Variants in LPIN2 observed in about 807,000 individuals in gnomAD.
The protein encoded by LPIN2 is phosphatidate phosphatase LPIN2.
Under a neutral mutation model 111.4 loss-of-function variants are expected in LPIN2, and 55 were observed. The observed-to-expected ratio is 0.49, with a 90% CI of 0.40 to 0.62. The LOEUF is 0.62. Ranked by LOEUF, LPIN2 falls within the 20% of genes least tolerant of loss-of-function variation. LPIN2 has a pLI of 0.00. For synonymous variants in LPIN2, 425 were observed against 414.0 expected, an observed-to-expected ratio of 1.03 and a Z score of -0.32; for missense variants, 992 against 1,112.1, an observed-to-expected ratio of 0.89 and a Z score of 1.54.
intron 1 of LPIN2, among the ~76,000 whole-genome samples, chr18:2,970,152 G>A (rs903633881): frequency 1.3e-5 from 2 of 152,204 alleles, no homozygotes; most frequent in African/African-American, 4.8e-5. Context: ...CGTAAGAAGA[G>A]GGGATTTTCT....
rs547941000 is a variant in LPIN2 at position 2,951,424 on chromosome 18, T to C, written c.289-68A>G. 4.5e-6 allele frequency: 6 copies of C among 1,332,504 alleles called. 1 individual carries two copies. The Admixed American group carries it at 1.2e-4, about 26-fold the overall frequency. 82.5% of individuals were successfully genotyped at this position (1,332,504 alleles called of 1,614,324 possible). ...GACAGTGAATTAAAGCAGTAATATTTTGAATATATAAATTTTCACCATGGT... is the reference window on the plus strand; with the variant it reads ...GACAGTGAATTAAAGCAGTAATATTCTGAATATATAAATTTTCACCATGGT... On this transcript the variant is annotated intron_variant, in intron 3 of 19. Transcript: ENST00000677752.
At chr18:2,949,823 G>A (rs2077507195) in intron 4 of LPIN2, among the ~76,000 whole-genome samples, 1 of 151,970 alleles carries the variant, frequency 6.6e-6, no homozygotes, top group African/African-American at 2.4e-5. Context: ...TTTTTGCTGG[G>A]CTCAGTGGTT....
Position 2,926,758 on chromosome 18 carries a change from G to C in LPIN2, c.1758C>G (p.Asp586Glu). ...CCGGCTCCTTGGAGCTGGATGGCAG[G>C]TCACTGGCTGGCGGTGCCTCAGATT... ...EGKSEAPPAS[D>E]LPSSSKEPAG... Residue 586 changes from aspartate (D) to glutamate (E), a missense_variant, in exon 13 of 20, where the codon GAC becomes GAG. Around this residue, in one of 4 missense-constraint regions of LPIN2, gnomAD observed 709 missense variants for 753.2 expected, o/e 0.94. Coordinates refer to ENST00000677752, the MANE Select transcript of LPIN2 (RefSeq NM_001375808.2). 6.2e-7 allele frequency: 1 copy of C among 1,613,734 alleles called. No individual in the cohort carries two copies. Among genetic ancestry groups the C allele is most frequent in the Non-Finnish European group, 8.5e-7 (1 of 1,180,012 alleles).
intron 1 of LPIN2, chr18:2,982,732 A>C: frequency 7.7e-7 from 1 of 1,303,542 alleles, no homozygotes; most frequent in Non-Finnish European, 1.0e-6. Context: ...GCCTTTACAA[A>C]CCACCTCATC....
intron 5 of LPIN2, 107 bp from the exon 6 acceptor site, chr18:2,939,710 T>A (rs2077343042): frequency 2.5e-5 from 31 of 1,224,360 alleles, no homozygotes; most frequent in Non-Finnish European, 3.6e-5. Context: ...GACTTTATCC[T>A]GCATATATAA....
chr18:2,943,679 T>C (rs890459527), intron 4 of LPIN2, among the ~76,000 whole-genome samples: 3 of 152,224 alleles, frequency 2.0e-5, no homozygotes, highest in African/African-American at 7.2e-5. Context: ...AAATGGTTCC[T>C]AAATCATGGA....
chr18:3,007,070 G>T (rs1276933746), intron 1 of LPIN2, among the ~76,000 whole-genome samples: 1 of 151,524 alleles, frequency 6.6e-6, no homozygotes, highest in African/African-American at 2.4e-5. Context: ...TCTCTCTCAA[G>T]TAGTATTTCT....
intron 1 of LPIN2, chr18:2,967,814 T>C (rs1330157604): frequency 6.6e-6 from 1 of 152,228 alleles, no homozygotes. Context: ...CCCGTCATAG[T>C]AGAATGCCAA....
intron 1 of LPIN2, among the ~76,000 whole-genome samples, chr18:3,005,351 C>CA (rs111680053): frequency 0.021 from 2,716 of 129,686 alleles, 85 homozygotes; most frequent in African/African-American, 0.069. Flanking sequence ...GACTCCGTCT[C>CA]AAAAAAAAAA....
chr18:2,926,672 C>T (rs1333795174), intron 13 of LPIN2, 51 bp downstream of exon 13: 3 of 1,519,364 alleles, frequency 2.0e-6, no homozygotes, highest in African/African-American at 1.4e-5. Context: ...AAGTAATGGC[C>T]CTGCTAGAGG....
intron 1 of LPIN2, among the ~76,000 whole-genome samples, chr18:3,004,347 C>A (rs776903851): frequency 1.3e-5 from 2 of 152,102 alleles, no homozygotes; most frequent in Non-Finnish European, 2.9e-5. Context: ...ACGGTCCTAC[C>A]AATATGTGAT....
intron 2 of LPIN2, among the ~76,000 whole-genome samples, chr18:2,958,672 TTC>T (rs1219805368): frequency 6.6e-6 from 1 of 152,254 alleles, no homozygotes; most frequent in South Asian, 2.1e-4. Context: ...AGGAAAAAAA[TTC>T]TCTTTTCCTG....
At chr18:3,004,325 G>A (rs748817457) in intron 1 of LPIN2, among the ~76,000 whole-genome samples, 11 of 152,174 alleles carry the variant, frequency 7.2e-5, no homozygotes, top group East Asian at 3.9e-4. Flanking sequence ...TTTGGGGCTC[G>A]GGGTCATCAT....
At chr18:2,965,782 CT>C (rs1400756631) in intron 1 of LPIN2, among the ~76,000 whole-genome samples, 3 of 151,042 alleles carry the variant, frequency 2.0e-5, no homozygotes, top group Non-Finnish European at 4.4e-5. Context: ...ACCAATCCCC[CT>C]CCTACAAAAA....
chr18:2,987,786 T>G (rs3934426), intron 1 of LPIN2, among the ~76,000 whole-genome samples: 143,430 of 152,128 alleles, frequency 0.94, 67,913 homozygotes, highest in East Asian at 1. Context: ...CTGCTGTAAT[T>G]TTAAGTGTAC....
intron 1 of LPIN2, among the ~76,000 whole-genome samples, chr18:2,992,327 G>T (rs1185522557): frequency 6.6e-6 from 1 of 152,178 alleles, no homozygotes; most frequent in Admixed American, 6.5e-5. Context: ...AAGGACAAAT[G>T]TCATATGATT....
rs1484846231 is a variant in LPIN2 at position 2,937,627 on chromosome 18, G to T, written c.1168+65C>A. 24 of 1,326,238 alleles carry T rather than the reference G, an allele frequency of 1.8e-5. No homozygotes were observed. The Admixed American group carries it at 4.1e-4, about 23-fold the overall frequency. The allele number at this position is 1,326,238 out of a possible 1,614,324, so 82.2% of individuals were successfully genotyped here. ...TACAGAGGCAGCCATCACGTTATGTGGAACACTGAAATAATTTACCATCTA... is the reference window on the plus strand; with the variant it reads ...TACAGAGGCAGCCATCACGTTATGTTGAACACTGAAATAATTTACCATCTA... On this transcript the variant is annotated intron_variant, in intron 7 of 19. Coordinates refer to ENST00000677752, the MANE Select transcript of LPIN2 (RefSeq NM_001375808.2).
At chr18:2,939,903 A>C (rs1186530936) in intron 5 of LPIN2, among the ~76,000 whole-genome samples, 1 of 152,250 alleles carries the variant, frequency 6.6e-6, no homozygotes, top group African/African-American at 2.4e-5. Flanking sequence ...TTTTGTAGGA[A>C]AGGAAAAGCA....
At chr18:3,009,928 C>T (rs932267154) in intron 1 of LPIN2, among the ~76,000 whole-genome samples, 1 of 152,122 alleles carries the variant, frequency 6.6e-6, no homozygotes, top group African/African-American at 2.4e-5. Flanking sequence ...TATTAAAACA[C>T]AGTTTACCTC....
Sources: allele counts gnomAD v4.1 joint callset (sites outside exome capture counted in the v4.1 genomes callset), GRCh38; gene constraint gnomAD v4.1.1; regional missense constraint gnomAD v4.1.1; transcripts MANE v1.5; gene names NCBI Gene and HGNC (gene_info 2026-07-23, HGNC 2026-07-21).